Variants in SNX29 observed in about 807,000 individuals in gnomAD.
SNX29 encodes sorting nexin 29.
A neutral mutation model predicts 102.1 loss-of-function variants in SNX29; 78 were observed. The observed-to-expected ratio is 0.76, with a 90% CI of 0.64 to 0.92. The LOEUF is 0.92. Ranked by LOEUF, SNX29 falls within the 40% of genes least tolerant of loss-of-function variation. The probability of loss-of-function intolerance (pLI) is 0.00; values close to 1 mark genes in which losing one functional copy is unlikely to be tolerated. For missense variants in SNX29, 1,280 were observed against 1,061.7 expected (o/e 1.21, Z -2.86); for synonymous variants, 580 against 414.5 (o/e 1.40, Z -4.85).
chr16:12,209,900 C>T (rs539378187), intron 14 of SNX29, among the ~76,000 whole-genome samples: 54 of 152,234 alleles, frequency 3.5e-4, no homozygotes, highest in African/African-American at 1.0e-3. Flanking sequence ...TCTGACTCTG[C>T]GTGGGGCTGA....
chr16:12,480,201 T>G (rs1446976838), intron 19 of SNX29, among the ~76,000 whole-genome samples: 1 of 152,168 alleles, frequency 6.6e-6, no homozygotes, highest in East Asian at 1.9e-4. Flanking sequence ...ATTCATTATC[T>G]TACAATTCGA....
intron 20 of SNX29, chr16:12,526,461 C>T (rs1178987576): frequency 6.4e-6 from 3 of 466,840 alleles, no homozygotes; most frequent in Non-Finnish European, 1.3e-5. Context: ...TATCCTGCTG[C>T]CTGTGATAAG....
At chr16:12,046,862 AC>A (rs1006846353) in intron 6 of SNX29, among the ~76,000 whole-genome samples, 1 of 152,028 alleles carries the variant, frequency 6.6e-6, no homozygotes, top group African/African-American at 2.4e-5. Context: ...CAAGTGATCC[AC>A]CCGCCTTGGC....
At chr16:11,987,794 G>T (rs1264271900) in intron 1 of SNX29, among the ~76,000 whole-genome samples, 1 of 152,252 alleles carries the variant, frequency 6.6e-6, no homozygotes, top group African/African-American at 2.4e-5. Flanking sequence ...AGGACCAGGT[G>T]AAATTGTTAT....
chr16:12,549,579 C>G (rs2856774), intron 20 of SNX29, among the ~76,000 whole-genome samples: 8,969 of 152,254 alleles, frequency 0.059, 443 homozygotes, highest in East Asian at 0.2. Flanking sequence ...GACCCCAGCC[C>G]TAAGACCTGC....
intron 11 of SNX29, among the ~76,000 whole-genome samples, chr16:12,110,369 T>C (rs2053454364): frequency 6.6e-6 from 1 of 152,158 alleles, no homozygotes; most frequent in South Asian, 2.1e-4. Flanking sequence ...ACTAATTTTC[T>C]AGCTCTGAAG....
chr16:12,137,953 C>T (rs1388604111), intron 13 of SNX29, among the ~76,000 whole-genome samples: 1 of 152,182 alleles, frequency 6.6e-6, no homozygotes, highest in Non-Finnish European at 1.5e-5. Context: ...ATCCTGCTGC[C>T]AACTCTGGTA....
chr16:12,525,658 C>CTG (rs574145534), intron 20 of SNX29, among the ~76,000 whole-genome samples: 2 of 151,332 alleles, frequency 1.3e-5, no homozygotes, highest in African/African-American at 4.8e-5. Context: ...TGCCGCTGCA[C>CTG]TCCAGCCTGG....
At chr16:12,230,565 C>T (rs1157908791) in intron 14 of SNX29, among the ~76,000 whole-genome samples, 1 of 152,106 alleles carries the variant, frequency 6.6e-6, no homozygotes, top group Non-Finnish European at 1.5e-5. Context: ...GGGGAAATGC[C>T]AATGTATTTT....
chr16:12,520,208 T>C (rs1185827032), intron 19 of SNX29, among the ~76,000 whole-genome samples: 1 of 151,874 alleles, frequency 6.6e-6, no homozygotes, highest in Non-Finnish European at 1.5e-5. Flanking sequence ...AGAGGATGAG[T>C]CATGCAGCCC....
At chr16:12,222,642 C>G (rs1380007198) in intron 14 of SNX29, among the ~76,000 whole-genome samples, 1 of 152,134 alleles carries the variant, frequency 6.6e-6, no homozygotes, top group African/African-American at 2.4e-5. Context: ...AATCTTGGCT[C>G]CCTGCAACTT....
chr16:12,529,759 C>G (rs544623206), intron 20 of SNX29, among the ~76,000 whole-genome samples: 3 of 152,196 alleles, frequency 2.0e-5, no homozygotes, highest in Non-Finnish European at 4.4e-5. Context: ...CCTTGTTCTC[C>G]CAGTGAGCAG....
intron 15 of SNX29, among the ~76,000 whole-genome samples, chr16:12,319,031 C>CT (rs959087062): frequency 3.3e-5 from 5 of 152,142 alleles, no homozygotes; most frequent in African/African-American, 1.2e-4. Flanking sequence ...TTGTGGAGGC[C>CT]TGGGGAGTTT....
chr16:12,406,436 G>A (rs2151524707), intron 18 of SNX29, among the ~76,000 whole-genome samples: 1 of 152,290 alleles, frequency 6.6e-6, no homozygotes, highest in Non-Finnish European at 1.5e-5. Context: ...CCACTGTCTG[G>A]TTTTCTTAAG....
At chr16:12,069,199 C>A in intron 10 of SNX29, 67 bp downstream of exon 10, 2 of 1,393,982 alleles carry the variant, frequency 1.4e-6, no homozygotes, top group South Asian at 1.3e-5. Context: ...GCATTTTATT[C>A]TTTTTTAAAG....
chr16:12,186,195 T>G (rs2076505430), intron 13 of SNX29, among the ~76,000 whole-genome samples: 1 of 152,210 alleles, frequency 6.6e-6, no homozygotes, highest in Non-Finnish European at 1.5e-5. Context: ...TATTTGTTGT[T>G]GGGAGCTTTT....
chr16:12,307,186 T>C (rs1322326418), intron 15 of SNX29, among the ~76,000 whole-genome samples: 2 of 152,110 alleles, frequency 1.3e-5, no homozygotes, highest in African/African-American at 2.4e-5. Flanking sequence ...AAGAGTTGAG[T>C]TGAAATTCTG....
At chr16:12,388,915 C>T (rs777985962) in intron 16 of SNX29, among the ~76,000 whole-genome samples, 1 of 152,222 alleles carries the variant, frequency 6.6e-6, no homozygotes, top group African/African-American at 2.4e-5. Context: ...GTTGTTCTTA[C>T]AGGCTGGTGT....
intron 19 of SNX29, among the ~76,000 whole-genome samples, chr16:12,511,897 C>T (rs971699822): frequency 6.6e-6 from 1 of 152,008 alleles, no homozygotes; most frequent in Non-Finnish European, 1.5e-5. Context: ...ACCAGGAAAC[C>T]ACTGGACGGC....
Sources: gnomAD v4.1 joint callset for allele counts (sites outside exome capture counted in the v4.1 genomes callset) on GRCh38, gnomAD v4.1.1 for gene constraint, MANE v1.5 for transcripts, NCBI Gene and HGNC (gene_info 2026-07-23, HGNC 2026-07-21) for gene names.